The following SYTL2 variants were observed in gnomAD, a reference collection of about 807,000 sequenced individuals.
SYTL2 encodes the protein synaptotagmin-like protein 2.
A neutral mutation model predicts 198.7 loss-of-function variants in SYTL2; 165 were observed. That is an observed-to-expected ratio of 0.83 (90% CI 0.73 to 0.94). The LOEUF (loss-of-function observed/expected upper bound fraction) is 0.94. Among genes scored for constraint, SYTL2 ranks in the 40% least tolerant of loss-of-function variants. SYTL2 has a pLI of 0.00. For missense variants in SYTL2, 2,835 were observed against 2,582.8 expected, an observed-to-expected ratio of 1.10 and a Z score of -2.12; for synonymous variants, 966 against 917.7, an observed-to-expected ratio of 1.05 and a Z score of -0.95.
the SYTL2 span, among the ~76,000 whole-genome samples, chr11:85,828,135 T>C: frequency 1.3e-5 from 2 of 152,124 alleles, no homozygotes; most frequent in Admixed American, 6.5e-5. Context: ...GATGGCAAAA[T>C]ACAGCCATAA....
At chr11:85,739,994 C>T (rs2090661832) in intron 4 of SYTL2, among the ~76,000 whole-genome samples, 1 of 152,198 alleles carries the variant, frequency 6.6e-6, no homozygotes, top group South Asian at 2.1e-4. Context: ...ATTGGCCTCA[C>T]ATTTGGCTTC....
intron 18 of SYTL2, 93 bp downstream of exon 18, chr11:85,697,886 T>C: frequency 1.4e-6 from 1 of 705,954 alleles, no homozygotes; most frequent in Admixed American, 2.6e-5. Flanking sequence ...AAATTATGAA[T>C]GATGAGTCAG....
chr11:85,804,457 A>AT (rs2153655531), intron 1 of SYTL2, among the ~76,000 whole-genome samples: 1 of 152,154 alleles, frequency 6.6e-6, no homozygotes, highest in East Asian at 1.9e-4. Flanking sequence ...TGTTGTTCTT[A>AT]TTGGCTGTGT....
Position 85,798,017 on chromosome 11 carries a change from T to TA in SYTL2, c.-390+12936dup, listed in dbSNP as rs1477054781. ...TACAGGTGCACACCACTATGCCAGC[T>TA]ATTTTTTTTTTTTTCATTTTCAATA... On this transcript the variant is annotated intron_variant, in intron 1 of 19. Coordinates refer to ENST00000359152, the MANE Select transcript of SYTL2 (RefSeq NM_206927.4). Among the ~76,000 whole-genome samples the TA allele has an allele frequency of 4.7e-5, 5 of 106,258 alleles. 1 individual carries two copies. Among genetic ancestry groups the TA allele is most frequent in the African/African-American group, 7.4e-5 (2 of 26,934 alleles). The allele number at this position is 106,258 out of a possible 152,430, so 69.7% of individuals were successfully genotyped here. A position where few individuals can be genotyped will look rare whatever the true frequency, so the allele number is the denominator to read the frequency against.
intron 6 of SYTL2, 115 bp from the exon 7 acceptor site, chr11:85,734,857 A>G: frequency 1.2e-6 from 1 of 823,796 alleles, no homozygotes; most frequent in Non-Finnish European, 1.8e-6. Flanking sequence ...TAAAGACAGT[A>G]AAGTATGTGG....
chr11:85,751,916 GA>G (rs2091535901), intron 2 of SYTL2, among the ~76,000 whole-genome samples: 1 of 152,154 alleles, frequency 6.6e-6, no homozygotes, highest in Non-Finnish European at 1.5e-5. Flanking sequence ...CTTCAAATTG[GA>G]CATTAAAAAT....
chr11:85,763,360 T>C (rs975410306), intron 1 of SYTL2, among the ~76,000 whole-genome samples: 4 of 152,222 alleles, frequency 2.6e-5, no homozygotes, highest in Non-Finnish European at 4.4e-5. Context: ...TTCTTGTCAA[T>C]TGTCCAAAAG....
intron 1 of SYTL2, among the ~76,000 whole-genome samples, chr11:85,790,689 G>T (rs2092715399): frequency 6.6e-6 from 1 of 152,158 alleles, no homozygotes; most frequent in South Asian, 2.1e-4. Context: ...CAAACTTGAA[G>T]ATTCTCGCTT....
chr11:85,717,965 C>A (rs938956669), intron 10 of SYTL2, among the ~76,000 whole-genome samples: 2 of 152,072 alleles, frequency 1.3e-5, no homozygotes, highest in Admixed American at 6.6e-5. Context: ...TTGTTGTAAA[C>A]ATAAAATAAG....
At chr11:85,844,953 C>T in the SYTL2 span, among the ~76,000 whole-genome samples, 3 of 152,200 alleles carry the variant, frequency 2.0e-5, no homozygotes, top group African/African-American at 7.2e-5. Flanking sequence ...TATTATCCAA[C>T]CATGGTAATC....
chr11:85,740,271 TCTG>T (rs2090684020), intron 4 of SYTL2, among the ~76,000 whole-genome samples: 1 of 152,166 alleles, frequency 6.6e-6, no homozygotes, highest in Non-Finnish European at 1.5e-5. Flanking sequence ...CTCACCTGAC[TCTG>T]CTATTTCCAC....
intron 1 of SYTL2, among the ~76,000 whole-genome samples, chr11:85,798,825 C>CTGG (rs2092841866): frequency 6.6e-6 from 1 of 152,190 alleles, no homozygotes; most frequent in African/African-American, 2.4e-5. Context: ...GCACCCCTTC[C>CTGG]CTGGCATGTA....
chr11:85,841,175 T>A, the SYTL2 span, among the ~76,000 whole-genome samples: 1 of 152,092 alleles, frequency 6.6e-6, no homozygotes, highest in African/African-American at 2.4e-5. Context: ...AAAAAATAGA[T>A]GCTAGTGAGG....
In SYTL2 at chr11:85,704,937, T is replaced by A. The variant is rs1565859270; in HGVS notation, c.6110A>T (p.Glu2037Val). 1 of 1,613,624 alleles carries A rather than the reference T, an allele frequency of 6.2e-7. No homozygotes were observed. Among genetic ancestry groups the A allele is most frequent in the African/African-American group, 1.3e-5 (1 of 75,024 alleles). ...CCATGTTTCCAAATCAAGTTCCACC[T>A]CCCCTAGGAAACTATTGCGCTTAAA... ...DTFKRNSFLGEVELDLETWDW... is the reference protein window; with the variant it reads ...DTFKRNSFLGVVELDLETWDW... Residue 2037 changes from glutamate (E) to valine (V), a missense_variant, in exon 16 of 20, where the codon GAG (glutamate) becomes GTG (valine). Transcript: ENST00000359152.
At position 85,733,940 on chromosome 11, in the gene SYTL2, A is replaced by G; in HGVS notation, c.1389T>C (p.Ala463=). The change falls in exon 7 of 20, where the codon GCT becomes GCC. Residue 463 remains alanine (A), a splice_region_variant and synonymous_variant. Coordinates refer to ENST00000359152, the MANE Select transcript of SYTL2 (RefSeq NM_206927.4). ...RLESVLPRSP[A]DELSHCVEPE... ...ATCTAGTAGTGACAACTCTCTTACC[A>G]GCAGGGCTTCTGGGTAATACAGATT... The G allele has an allele frequency of 6.2e-7, 1 of 1,613,442 alleles. No individual in the cohort carries two copies.
the SYTL2 span, among the ~76,000 whole-genome samples, chr11:85,850,680 A>G: frequency 6.6e-6 from 1 of 151,284 alleles, no homozygotes; most frequent in Non-Finnish European, 1.5e-5. Context: ...TACTGGGTAT[A>G]TACCCAAATG....
chr11:85,805,819 C>CTG (rs2092951785), intron 1 of SYTL2, among the ~76,000 whole-genome samples: 2 of 152,246 alleles, frequency 1.3e-5, no homozygotes, highest in Non-Finnish European at 2.9e-5. Flanking sequence ...CTTATATCTA[C>CTG]CTACCCCCAA....
chr11:85,766,273 C>T (rs190276362), intron 1 of SYTL2, among the ~76,000 whole-genome samples: 166 of 152,162 alleles, frequency 1.1e-3, no homozygotes, highest in African/African-American at 3.9e-3. Flanking sequence ...CTAGAACCAT[C>T]CTTTTAATCT....
chr11:85,818,631 A>G, the SYTL2 span, among the ~76,000 whole-genome samples: 31 of 150,168 alleles, frequency 2.1e-4, no homozygotes, highest in East Asian at 5.7e-3. Context: ...AAAAATGTAA[A>G]TAAGATCATG....
Sources: gnomAD v4.1 joint callset for allele counts (sites outside exome capture counted in the v4.1 genomes callset) on GRCh38, gnomAD v4.1.1 for gene constraint, MANE v1.5 for transcripts, NCBI Gene and HGNC (gene_info 2026-07-23, HGNC 2026-07-21) for gene names.